Variants in RASD2 observed in about 807,000 individuals in gnomAD.
RASD2 encodes GTP-binding protein Rhes.
A neutral mutation model predicts 15.8 loss-of-function variants in RASD2; 7 were observed. That is an observed-to-expected ratio of 0.44 (90% CI 0.25 to 0.83). The LOEUF (loss-of-function observed/expected upper bound fraction) is 0.83, where lower values mean the gene tolerates loss of function less well. RASD2 is among the 40% of genes least tolerant of loss of function. The pLI is 0.20. For missense variants in RASD2, 274 were observed against 382.8 expected, an observed-to-expected ratio of 0.72 and a Z score of 2.37; for synonymous variants, 155 against 153.6, an observed-to-expected ratio of 1.01 and a Z score of -0.07.
chr22:35,551,773 A>G lies in RASD2; in HGVS notation c.542A>G (p.Glu181Gly). The change falls in exon 3 of 3, where the codon GAG (glutamate) becomes GGG (glycine). Residue 181 changes from glutamate to glycine, a missense_variant. Coordinates refer to ENST00000216127, the MANE Select transcript of RASD2 (RefSeq NM_014310.4). This position sits in a 1 kb window ranked among gnomAD's most constrained non-coding sequence, Gnocchi z 4.9. ...VSAKKNTNVD[E>G]MFYVLFSMAK... ...GCCAAGAAGAACACCAACGTGGACG[A>G]GATGTTCTACGTGCTCTTCAGCATG... 2 of 1,613,922 alleles carry G rather than the reference A, an allele frequency of 1.2e-6. No individual in the cohort carries two copies. The highest frequency in any genetic ancestry group is 1.7e-6 in the Non-Finnish European group (2 of 1,179,972).
At chr22:35,548,672 G>A (rs577038276) in intron 2 of RASD2, among the ~76,000 whole-genome samples, 22 of 152,322 alleles carry the variant, frequency 1.4e-4, no homozygotes, top group African/African-American at 5.1e-4. Context: ...GCTTTTCCGA[G>A]CATCTGACCC....
intron 1 of RASD2, among the ~76,000 whole-genome samples, chr22:35,543,449 AG>A (rs1348153407): frequency 1.3e-5 from 2 of 151,308 alleles, no homozygotes; most frequent in Admixed American, 6.6e-5. Context: ...AAATTCCCAA[AG>A]GGCTCTTCAA....
the RASD2 span, among the ~76,000 whole-genome samples, chr22:35,533,829 A>T: frequency 6.6e-6 from 1 of 150,922 alleles, no homozygotes; most frequent in African/African-American, 2.4e-5. Flanking sequence ...GGTGATGATG[A>T]TGATGGTGAT....
At chr22:35,540,174 C>A (rs1273527912), upstream of RASD2, among the ~76,000 whole-genome samples, 1 of 152,016 alleles carries the variant, frequency 6.6e-6, no homozygotes, top group Non-Finnish European at 1.5e-5. Context: ...CTCGACCTGG[C>A]CGGGCGCAAG....
At chr22:35,542,030 C>T (rs1934362751) in intron 1 of RASD2, among the ~76,000 whole-genome samples, 1 of 152,166 alleles carries the variant, frequency 6.6e-6, no homozygotes, top group African/African-American at 2.4e-5. Flanking sequence ...GGAGGGGTTT[C>T]CTGTAACTTA....
chr22:35,546,023 G>A (rs1284966675), intron 1 of RASD2, among the ~76,000 whole-genome samples: 1 of 152,170 alleles, frequency 6.6e-6, no homozygotes, highest in Non-Finnish European at 1.5e-5. Context: ...GCTTGAGCCA[G>A]CCATGGGTCG....
chr22:35,540,083 C>T (rs538562255), upstream of RASD2, among the ~76,000 whole-genome samples: 45 of 152,312 alleles, frequency 3.0e-4, no homozygotes, highest in African/African-American at 9.9e-4. Context: ...AGGGAGGCGG[C>T]GGCTGGGACA....
rs2145878470 is a variant in RASD2, at chr22:35,551,939, C to A, written c.708C>A (p.Arg236=). Residue 236 remains arginine, a synonymous_variant, in exon 3 of 3, where the codon CGC becomes CGA. Transcript: ENST00000216127. The surrounding 1 kb of genome is among the most constrained non-coding windows in gnomAD (Gnocchi z 4.9). ...ATGGCATGGTCTCGCCCTTCGCCCG[C>A]CGCCCCAGCGTCAACAGTGACCTCA... is the stretch of plus-strand genomic sequence containing the variant. ...DAYGMVSPFA[R]RPSVNSDLKY... 1.2e-6 allele frequency: 2 copies of A among 1,607,680 alleles called. No individual in the cohort carries two copies. The highest frequency in any genetic ancestry group is 1.7e-6 in the Non-Finnish European group (2 of 1,180,000).
At position 35,551,663 on chromosome 22, in the gene RASD2, C is replaced by G. The variant is rs772958089; in HGVS notation, c.432C>G (p.His144Gln). The G allele has an allele frequency of 1.2e-6, 2 of 1,614,110 alleles. No individual in the cohort carries two copies. The highest frequency in any genetic ancestry group is 2.2e-5 in the East Asian group (1 of 44,872). The change falls in exon 3 of 3, where the codon CAC (histidine) becomes CAG (glutamine). Residue 144 changes from histidine (H) to glutamine (Q), a missense_variant. By Grantham distance (24) the His-to-Gln change is conservative (BLOSUM62 0). Coordinates refer to ENST00000216127, the MANE Select transcript of RASD2 (RefSeq NM_014310.4). This position sits in a 1 kb window ranked among gnomAD's most constrained non-coding sequence, Gnocchi z 4.9. ...TCATCTGTGGCAACAAGAACGACCA[C>G]GGCGAGCTGTGCCGCCAGGTGCCCA... Reference protein sequence around the residue: ...PMVICGNKNDHGELCRQVPTT... With the variant: ...PMVICGNKNDQGELCRQVPTT...
upstream of RASD2, among the ~76,000 whole-genome samples, chr22:35,536,898 T>TGCTGGA (rs1934254562): frequency 1.3e-5 from 2 of 152,302 alleles, no homozygotes; most frequent in South Asian, 4.1e-4. Context: ...CAACCCTGGG[T>TGCTGGA]GCACATTAGA....
At chr22:35,550,770 G>A (rs1934642930) in intron 2 of RASD2, among the ~76,000 whole-genome samples, 1 of 152,194 alleles carries the variant, frequency 6.6e-6, no homozygotes, top group African/African-American at 2.4e-5. Flanking sequence ...GTGTGATCTT[G>A]GGCAGGCTGC....
chr22:35,549,439 T>C lies in RASD2; in HGVS notation c.272-2064T>C, dbSNP rs139504574. 2.9e-4 allele frequency among the ~76,000 whole-genome samples: 44 copies of C among 152,350 alleles called. No homozygotes were observed. In the East Asian group the frequency reaches 6.8e-3, roughly 23 times the overall value. On this transcript the variant is annotated intron_variant, in intron 2 of 2. Transcript: ENST00000216127. The stretch of plus-strand genomic sequence containing the variant: ...CCATTAATTCCACTGCCAGCTCTTC[T>C]TCCAGCTGCCAGACGGGCCGATCTC...
At chr22:35,533,573 G>A in the RASD2 span, among the ~76,000 whole-genome samples, 1 of 29,384 alleles carries the variant, frequency 3.4e-5, no homozygotes, top group Non-Finnish European at 7.2e-5. Flanking sequence ...TGGTGGTGAT[G>A]GTGGTAAGGG....
At chr22:35,540,442 C>T (rs1260692881), upstream of RASD2, among the ~76,000 whole-genome samples, 3 of 148,700 alleles carry the variant, frequency 2.0e-5, no homozygotes, top group Admixed American at 6.7e-5. Context: ...GGCCGGGCGC[C>T]GGGGCGAGGC....
intron 1 of RASD2, among the ~76,000 whole-genome samples, chr22:35,544,166 G>C (rs973171015): frequency 3.9e-5 from 6 of 152,334 alleles, no homozygotes; most frequent in East Asian, 3.9e-4. Flanking sequence ...GGGAGCTTCT[G>C]GCCCCTTTCC....
At position 35,547,069 on chromosome 22, in the gene RASD2, C is replaced by T; in HGVS notation, c.260C>T (p.Ser87Phe). ...NHPFPAMRRL[S>F]ILTGDVFILV... ...CCCTTCCCCGCCATGCGCAGGCTGT[C>T]CATCCTCACAGGTGAGGCCCACTGG... The change falls in exon 2 of 3, where the codon TCC becomes TTC. Residue 87 changes from serine (S) to phenylalanine (F), a missense_variant. Physicochemically the swap from Ser to Phe is radical, Grantham distance 155 (BLOSUM62 -2). Transcript: ENST00000216127. The T allele has an allele frequency of 6.2e-7, 1 of 1,613,006 alleles. No individual in the cohort carries two copies. The highest frequency in any genetic ancestry group is 1.1e-5 in the South Asian group (1 of 90,968).
In RASD2 at chr22:35,551,395, T is replaced by C; in HGVS notation, c.272-108T>C. 1 of 1,155,074 alleles carries C rather than the reference T, an allele frequency of 8.7e-7. No individual in the cohort carries two copies. Among genetic ancestry groups the C allele is most frequent in the Non-Finnish European group, 1.2e-6 (1 of 802,096 alleles). The allele number at this position is 1,155,074 out of a possible 1,614,324, so 71.6% of individuals were successfully genotyped here. The stretch of plus-strand genomic sequence containing the variant: ...TAAAGCAGTTATGCCGCATAACTGC[T>C]TCAGGGCACCTGTGACTCCCAGCTC... On this transcript the variant is annotated intron_variant, in intron 2 of 2. Coordinates refer to ENST00000216127, the MANE Select transcript of RASD2 (RefSeq NM_014310.4). The surrounding 1 kb of genome is among the most constrained non-coding windows in gnomAD (Gnocchi z 4.9).
At position 35,552,098 on chromosome 22, in the gene RASD2, C is replaced by T. The variant is rs1030993162; in HGVS notation, c.*66C>T. 1.3e-5 allele frequency: 19 copies of T among 1,509,354 alleles called. No individual in the cohort carries two copies. The Admixed American group carries it at 2.3e-4, about 18-fold the overall frequency. 93.5% of individuals were successfully genotyped at this position (1,509,354 alleles called of 1,614,324 possible). A position where few individuals can be genotyped will look rare whatever the true frequency, so the allele number is the denominator to read the frequency against. ...GAGGTGGCCCCAGATGCCCACTGTGCGCATCTCCCCACCGAGGCCCCGGCA... is the reference window on the plus strand; with the variant it reads ...GAGGTGGCCCCAGATGCCCACTGTGTGCATCTCCCCACCGAGGCCCCGGCA... On this transcript the variant is annotated 3_prime_UTR_variant, in exon 3 of 3. Transcript: ENST00000216127.
intron 1 of RASD2, 54 bp downstream of exon 1, chr22:35,541,554 A>G (rs991598391): frequency 6.6e-6 from 1 of 152,290 alleles, no homozygotes; most frequent in African/African-American, 2.4e-5. Flanking sequence ...GCAGCCGGGA[A>G]GAAAGGGTAG....
Sources: allele counts gnomAD v4.1 joint callset (sites outside exome capture counted in the v4.1 genomes callset), GRCh38; gene constraint gnomAD v4.1.1; non-coding constraint Gnocchi (gnomAD v3.1); transcripts MANE v1.5; gene names NCBI Gene and HGNC (gene_info 2026-07-23, HGNC 2026-07-21).